Variants in MTTP observed in about 807,000 individuals in gnomAD.
MTTP encodes microsomal triglyceride transfer protein.
A neutral mutation model predicts 90.6 loss-of-function variants in MTTP; 49 were observed. The ratio of observed to expected loss-of-function variants is 0.54; its 90% confidence interval spans 0.43 to 0.69. The LOEUF (loss-of-function observed/expected upper bound fraction) is 0.69, where lower values mean the gene tolerates loss of function less well. Among genes scored for constraint, MTTP ranks in the 30% least tolerant of loss-of-function variants. The pLI, the probability that MTTP is intolerant of heterozygous loss-of-function variation, is 0.00. For missense variants in MTTP, 945 were observed against 1,067.5 expected (o/e 0.89, Z 1.60); for synonymous variants, 347 against 384.2 (o/e 0.90, Z 1.13).
At chr4:99,591,185 A>G in intron 4 of MTTP, 50 bp from the exon 5 acceptor site, 1 of 1,371,410 alleles carries the variant, frequency 7.3e-7, no homozygotes, top group Non-Finnish European at 1.0e-6. Context: ...ACTAGAATTC[A>G]AATGGCCCAC....
chr4:99,612,901 G>T lies in MTTP; in HGVS notation c.1990-12G>T. ...GAGCTTGCGTCATGAACATTATATT[G>T]ATTTTATCCAGGTGGTTATTGAAGC... On this transcript the variant is annotated splice_polypyrimidine_tract_variant and intron_variant, in intron 14 of 17. Coordinates refer to ENST00000265517, the MANE Select transcript of MTTP (RefSeq NM_001386140.1). 6.2e-7 allele frequency: 1 copy of T among 1,610,004 alleles called. No individual in the cohort carries two copies. The highest frequency in any genetic ancestry group is 1.1e-5 in the South Asian group (1 of 90,942).
At chr4:99,573,265 A>G (rs1049712050), upstream of MTTP, among the ~76,000 whole-genome samples, 4 of 152,152 alleles carry the variant, frequency 2.6e-5, no homozygotes, top group African/African-American at 9.6e-5. Flanking sequence ...TCAAGTGACT[A>G]TAATGATTTT....
chr4:99,567,608 G>A (rs1330967176), intron 1 of MTTP, among the ~76,000 whole-genome samples: 7 of 152,176 alleles, frequency 4.6e-5, no homozygotes, highest in Non-Finnish European at 8.8e-5. Flanking sequence ...AGGGATGTGA[G>A]GCCTGTAAAT....
At chr4:99,615,218 CACATGGTTTCTGTTGCAGCCA>C (rs1275885759) in intron 15 of MTTP, among the ~76,000 whole-genome samples, 1 of 152,190 alleles carries the variant, frequency 6.6e-6, no homozygotes, top group African/African-American at 2.4e-5. Context: ...CTTTGCAGGC[CACATGGTTTCTGTTGCAGCCA>C]CTCAATTCTG....
chr4:99,619,486 T>C (rs1229447734), intron 16 of MTTP, among the ~76,000 whole-genome samples: 1 of 152,188 alleles, frequency 6.6e-6, no homozygotes, highest in Non-Finnish European at 1.5e-5. Context: ...AAACTAACTA[T>C]TAAATGTTAA....
intron 1 of MTTP, among the ~76,000 whole-genome samples, chr4:99,575,912 C>G (rs1231353961): frequency 6.6e-6 from 1 of 152,118 alleles, no homozygotes; most frequent in Non-Finnish European, 1.5e-5. Flanking sequence ...ACTTATAAAA[C>G]CTGTTAGGGA....
chr4:99,610,122 G>A (rs1189412595), intron 12 of MTTP, among the ~76,000 whole-genome samples: 1 of 152,150 alleles, frequency 6.6e-6, no homozygotes, highest in Non-Finnish European at 1.5e-5. Flanking sequence ...CTGTAGGGCT[G>A]TAGTCTCCCA....
chr4:99,566,219 G>T (rs2110202624), intron 1 of MTTP, among the ~76,000 whole-genome samples: 1 of 151,224 alleles, frequency 6.6e-6, no homozygotes, highest in Non-Finnish European at 1.5e-5. Context: ...AACCCGGGAG[G>T]CGGAGCTTGC....
chr4:99,593,761 A>C (rs1033898723), intron 6 of MTTP, among the ~76,000 whole-genome samples: 1 of 152,210 alleles, frequency 6.6e-6, no homozygotes, highest in Non-Finnish European at 1.5e-5. Flanking sequence ...AGAATTTTGC[A>C]TTCTACTTCA....
At chr4:99,600,789 T>A in intron 9 of MTTP, 56 bp downstream of exon 9, 2 of 1,537,296 alleles carry the variant, frequency 1.3e-6, no homozygotes, top group African/African-American at 1.4e-5. Flanking sequence ...TTAAGAATAT[T>A]AACAGTAATT....
rs144315111 is a variant in MTTP, at chr4:99,591,285, A to T, written c.552A>T (p.Lys184Asn). ...CKVTYQAHQDKVIKIKALDSC... is the reference protein window; with the variant it reads ...CKVTYQAHQDNVIKIKALDSC... ...TGACCTACCAGGCTCATCAAGACAA[A>T]GTGATCAAAATTAAGGCCTTGGATT... is the stretch of plus-strand genomic sequence containing the variant. Residue 184 changes from lysine to asparagine, a missense_variant, in exon 5 of 18, where the codon AAA (lysine) becomes AAT (asparagine). Transcript: ENST00000265517. 786 of 1,614,098 alleles carry T rather than the reference A, an allele frequency of 4.9e-4. 2 individuals carry two copies. In the African/African-American group the frequency reaches 9.0e-3, roughly 19 times the overall value.
intron 11 of MTTP, among the ~76,000 whole-genome samples, chr4:99,607,881 C>T (rs1274496826): frequency 1.3e-5 from 2 of 151,932 alleles, no homozygotes; most frequent in Non-Finnish European, 2.9e-5. Flanking sequence ...GGTGATTGTG[C>T]GTGTGTAGGG....
rs1185480962 is a variant in MTTP, at chr4:99,581,789, A to C, written c.62-116A>C. On this transcript the variant is annotated intron_variant, in intron 1 of 17. Transcript: ENST00000265517. ...GCAGATGAAGTAGCACCATGTTTCA[A>C]TCAGCGAATATTTACCAAGCTTCCT... 4 of 1,009,282 alleles carry C rather than the reference A, an allele frequency of 4.0e-6. No individual in the cohort carries two copies. The African/African-American group carries it at 4.8e-5, about 12-fold the overall frequency. The allele number at this position is 1,009,282 out of a possible 1,614,324, so 62.5% of individuals were successfully genotyped here.
intron 9 of MTTP, 94 bp from the exon 10 acceptor site, chr4:99,601,513 C>T: frequency 1.0e-6 from 1 of 997,408 alleles, no homozygotes; most frequent in South Asian, 1.3e-5. Context: ...CATAAAAATA[C>T]TTTACCAAGT....
intron 15 of MTTP, among the ~76,000 whole-genome samples, chr4:99,614,625 T>G (rs970096458): frequency 6.6e-6 from 1 of 152,158 alleles, no homozygotes; most frequent in Non-Finnish European, 1.5e-5. Context: ...GCTCAGCCAT[T>G]CTTACTTGTG....
At chr4:99,576,288 A>G (rs186689918) in intron 1 of MTTP, among the ~76,000 whole-genome samples, 266 of 152,322 alleles carry the variant, frequency 1.7e-3, no homozygotes, top group Non-Finnish European at 2.7e-3. Context: ...CAAACCTAAT[A>G]CCATAAGTAT....
chr4:99,589,750 G>A lies in MTTP; in HGVS notation c.501G>A (p.Glu167=). 1.3e-6 allele frequency: 2 copies of A among 1,524,218 alleles called. No homozygotes were observed. Among genetic ancestry groups the A allele is most frequent in the Non-Finnish European group, 1.8e-6 (2 of 1,100,240 alleles). The allele number at this position is 1,524,218 out of a possible 1,614,324, so 94.4% of individuals were successfully genotyped here. ...QTQLSSGTTN[E]VDISGNCKVT... ...AGTTAAGCTCTGGAACCACCAATGAGGTACTTACCAATATTAATAAGGATT... is the reference window on the plus strand; with the variant it reads ...AGTTAAGCTCTGGAACCACCAATGAAGTACTTACCAATATTAATAAGGATT... Residue 167 remains glutamate, a splice_region_variant and synonymous_variant, in exon 4 of 18, where the codon GAG becomes GAA. Coordinates refer to ENST00000265517, the MANE Select transcript of MTTP (RefSeq NM_001386140.1).
rs756282463 is a variant in MTTP, at chr4:99,591,697, T to C, written c.665T>C (p.Ile222Thr). The change falls in exon 6 of 18, where the codon ATA (isoleucine) becomes ACA (threonine). Residue 222 changes from isoleucine (I) to threonine (T), a missense_variant. Physicochemically the swap from Ile to Thr is moderately conservative, Grantham distance 89 (BLOSUM62 -1). Coordinates refer to ENST00000265517, the MANE Select transcript of MTTP (RefSeq NM_001386140.1). ...GCTACATCTGTCACCACCTATAAGA[T>C]AGAAGACAGCTTTGTTATAGCTGTG... ...SKATSVTTYK[I>T]EDSFVIAVLA... The C allele has an allele frequency of 6.2e-7, 1 of 1,612,984 alleles. No individual in the cohort carries two copies. Among genetic ancestry groups the C allele is most frequent in the Admixed American group, 1.7e-5 (1 of 59,994 alleles).
At chr4:99,613,421 A>G (rs1055665248) in intron 15 of MTTP, among the ~76,000 whole-genome samples, 14 of 152,232 alleles carry the variant, frequency 9.2e-5, no homozygotes, top group African/African-American at 3.4e-4. Flanking sequence ...GAATAGAGCT[A>G]CCACTGTCTC....
Sources: allele counts gnomAD v4.1 joint callset (sites outside exome capture counted in the v4.1 genomes callset), GRCh38; gene constraint gnomAD v4.1.1; transcripts MANE v1.5; gene names NCBI Gene and HGNC (gene_info 2026-07-23, HGNC 2026-07-21).